PACS2: variants seen among roughly 807,000 people sequenced by gnomAD.
The protein encoded by PACS2 is PACS1-like protein.
PACS2 carries 36 observed loss-of-function variants against 113.0 expected under a neutral mutation model. The observed-to-expected ratio is 0.32, with a 90% CI of 0.24 to 0.42. The LOEUF (loss-of-function observed/expected upper bound fraction) is 0.42, where lower values mean the gene tolerates loss of function less well. Ranked by LOEUF, PACS2 falls within the 10% of genes least tolerant of loss-of-function variation. The probability of loss-of-function intolerance (pLI) is 1.00; values close to 1 mark genes in which losing one functional copy is unlikely to be tolerated. For synonymous variants in PACS2, 589 were observed against 536.1 expected, an observed-to-expected ratio of 1.10 and a Z score of -1.36; for missense variants, 1,015 against 1,239.5, an observed-to-expected ratio of 0.82 and a Z score of 2.72.
At chr14:105,362,789 TGTA>T (rs2060780305) in intron 4 of PACS2, among the ~76,000 whole-genome samples, 1 of 152,052 alleles carries the variant, frequency 6.6e-6, no homozygotes, top group Admixed American at 6.6e-5. Context: ...AGGCAGAGGT[TGTA>T]GTGAGCCAAG....
intron 8 of PACS2, chr14:105,372,401 A>G (rs1432855377): frequency 2.0e-5 from 3 of 152,276 alleles, no homozygotes; most frequent in Non-Finnish European, 4.4e-5. Flanking sequence ...CACCATGTGC[A>G]GAATTCAGCT....
chr14:105,319,436 T>G (rs2058802942), intron 1 of PACS2, among the ~76,000 whole-genome samples: 1 of 152,258 alleles, frequency 6.6e-6, no homozygotes, highest in Non-Finnish European at 1.5e-5. Context: ...ATGCATATCC[T>G]TTGTTACATT....
intron 1 of PACS2, among the ~76,000 whole-genome samples, chr14:105,342,555 G>GAAT (rs2059773427): frequency 6.6e-6 from 1 of 151,882 alleles, no homozygotes; most frequent in South Asian, 2.1e-4. Flanking sequence ...AGGCATGATT[G>GAAT]TGCCCAGCCA....
chr14:105,327,003 G>T (rs180817877), intron 1 of PACS2, among the ~76,000 whole-genome samples: 1 of 152,202 alleles, frequency 6.6e-6, no homozygotes, highest in Non-Finnish European at 1.5e-5. Flanking sequence ...CACTACACCC[G>T]AATCGACGCA....
rs1336701469 is a variant in PACS2, at chr14:105,365,952, G to A, written c.424-1261G>A. 2.6e-5 allele frequency among the ~76,000 whole-genome samples: 4 copies of A among 152,236 alleles called. No homozygotes were observed. The highest frequency in any genetic ancestry group is 5.9e-5 in the Non-Finnish European group (4 of 68,044). Reference sequence around the variant, plus strand: ...TGGCAGAAGCTGCCAGCTGCCCTTCGTCATTTTCTGAAATGAAGATGAGGG... The same window carrying A: ...TGGCAGAAGCTGCCAGCTGCCCTTCATCATTTTCTGAAATGAAGATGAGGG... On this transcript the variant is annotated intron_variant, in intron 4 of 24. Transcript: ENST00000447393. This position sits in a 1 kb window ranked among gnomAD's most constrained non-coding sequence, Gnocchi z 5.1.
At chr14:105,360,093 A>C (rs2060621028) in intron 4 of PACS2, among the ~76,000 whole-genome samples, 1 of 152,220 alleles carries the variant, frequency 6.6e-6, no homozygotes, top group Admixed American at 6.5e-5. Flanking sequence ...GTTCAGTTCT[A>C]GGCCACCCCA....
chr14:105,311,741 G>A (rs1039791785), upstream of PACS2, among the ~76,000 whole-genome samples: 3 of 152,198 alleles, frequency 2.0e-5, no homozygotes, highest in Non-Finnish European at 4.4e-5. Flanking sequence ...CGGGTGCAGC[G>A]ATCTCAGCGG....
intron 1 of PACS2, chr14:105,301,147 GGACCCAAGGCTGGCGACGC>G: frequency 6.5e-6 from 1 of 152,942 alleles, no homozygotes; most frequent in Non-Finnish European, 1.5e-5. Context: ...GCTGGCGACG[GGACCCAAGGCTGGCGACGC>G]GACCTAAGGC....
intron 1 of PACS2, among the ~76,000 whole-genome samples, chr14:105,302,146 C>CA (rs377143444): frequency 0.023 from 2,622 of 116,448 alleles, 33 homozygotes; most frequent in Middle Eastern, 0.059. Context: ...AACTCTGTCT[C>CA]AAAAAAAAAA....
intron 1 of PACS2, among the ~76,000 whole-genome samples, chr14:105,326,400 A>T (rs1048035566): frequency 1.3e-5 from 2 of 152,222 alleles, no homozygotes; most frequent in East Asian, 3.9e-4. Context: ...GCGCCTCAGG[A>T]GGGTGAGTGG....
At chr14:105,342,230 CTGTG>C (rs373390359) in intron 1 of PACS2, among the ~76,000 whole-genome samples, 3,114 of 140,238 alleles carry the variant, frequency 0.022, 47 homozygotes, top group Middle Eastern at 0.069. Flanking sequence ...AAGCTGCTGC[CTGTG>C]TGTGTGTGTG....
At chr14:105,351,002 T>C (rs782077094) in intron 2 of PACS2, among the ~76,000 whole-genome samples, 1 of 152,196 alleles carries the variant, frequency 6.6e-6, no homozygotes, top group Admixed American at 6.5e-5. Flanking sequence ...AGTACGGCCA[T>C]GCGGGCCGCC....
At chr14:105,353,741 G>A (rs587709849) in intron 3 of PACS2, among the ~76,000 whole-genome samples, 1 of 152,000 alleles carries the variant, frequency 6.6e-6, no homozygotes, top group South Asian at 2.1e-4. Flanking sequence ...TTACAGGCAT[G>A]TGCCACCACG....
rs2060039938 is a variant in PACS2, at chr14:105,348,788, TG to T, written c.207+211del. On this transcript the variant is annotated intron_variant, in intron 2 of 24. Transcript: ENST00000447393. The surrounding 1 kb of genome is among the most constrained non-coding windows in gnomAD (Gnocchi z 6.4). ...CACAAGGGAGGCAGGCCCGGCCTTC[TG>T]GGATGTGGAGGTCACATGCATGGGG... 3 of 544,646 alleles carry T rather than the reference TG, an allele frequency of 5.5e-6. No individual in the cohort carries two copies. In the South Asian group the frequency reaches 6.1e-5, roughly 11 times the overall value. The allele number at this position is 544,646 out of a possible 1,614,324, so 33.7% of individuals were successfully genotyped here.
In PACS2 at chr14:105,317,513, T is replaced by A. The variant is rs1463908254; in HGVS notation, c.119+2476T>A. On this transcript the variant is annotated intron_variant, in intron 1 of 24. Coordinates refer to ENST00000447393, the MANE Select transcript of PACS2 (RefSeq NM_001100913.3). The surrounding 1 kb of genome is among the most constrained non-coding windows in gnomAD (Gnocchi z 4.2). ...TCATTTGACTTAATTTTTGCCAGTC[T>A]GGTGGGTGTGAAGTGGTATCGTGGT... Among the ~76,000 whole-genome samples the A allele has an allele frequency of 2.0e-5, 3 of 152,242 alleles. No homozygotes were observed. Among genetic ancestry groups the A allele is most frequent in the Admixed American group, 2.0e-4 (3 of 15,288 alleles).
In PACS2 at chr14:105,384,277, C is replaced by T. The variant is rs2081095202; in HGVS notation, c.1781-76C>T. On this transcript the variant is annotated intron_variant, in intron 16 of 24. Transcript: ENST00000447393. The stretch of plus-strand genomic sequence containing the variant: ...AGCACAGGCCTGGGGTCGGGTGGCC[C>T]AGCTTTTGTGCCGCGGTGGGAGCCT... 4 of 865,468 alleles carry T rather than the reference C, an allele frequency of 4.6e-6. 1 individual carries two copies. The Admixed American group carries it at 8.1e-5, about 17-fold the overall frequency. 53.6% of individuals were successfully genotyped at this position (865,468 alleles called of 1,614,324 possible). A position where few individuals can be genotyped will look rare whatever the true frequency, so the allele number is the denominator to read the frequency against.
At chr14:105,335,922 GTGCCC>G (rs587735332) in intron 1 of PACS2, among the ~76,000 whole-genome samples, 100 of 152,338 alleles carry the variant, frequency 6.6e-4, no homozygotes, top group African/African-American at 2.4e-3. Flanking sequence ...GAGGACGGCG[GTGCCC>G]TGGGGCCCAG....
At chr14:105,327,616 C>T (rs1438245678) in intron 1 of PACS2, among the ~76,000 whole-genome samples, 2 of 152,220 alleles carry the variant, frequency 1.3e-5, no homozygotes, top group Non-Finnish European at 2.9e-5. Flanking sequence ...CTGTACTTGC[C>T]TGGGGAGGAT....
rs1362954585 is a variant in PACS2 at position 105,309,212 on chromosome 14, G to C, written c.-83+8233G>C. Among the ~76,000 whole-genome samples, 1 of 152,162 alleles carries C rather than the reference G, an allele frequency of 6.6e-6. No individual in the cohort carries two copies. Among genetic ancestry groups the C allele is most frequent in the Non-Finnish European group, 1.5e-5 (1 of 68,026 alleles). ...ATGATATTCTATTGTGGGAAAGAAA[G>C]AAGTGTTAAAATTTATGCATCAAGG... is the stretch of plus-strand genomic sequence containing the variant. On this transcript the variant is annotated intron_variant, in intron 1 of 23. Transcript: ENST00000430725. The surrounding 1 kb of genome is among the most constrained non-coding windows in gnomAD (Gnocchi z 4.0).
Sources: gnomAD v4.1 joint callset for allele counts (sites outside exome capture counted in the v4.1 genomes callset) on GRCh38, gnomAD v4.1.1 for gene constraint, Gnocchi (gnomAD v3.1) non-coding constraint, MANE v1.5 for transcripts, NCBI Gene and HGNC (gene_info 2026-07-23, HGNC 2026-07-21) for gene names.